IMPA2: variants seen among roughly 807,000 people sequenced by gnomAD.
IMPA2 encodes inositol monophosphatase 2.
In IMPA2, 32 loss-of-function variants were observed where a neutral mutation model predicts 35.1. The observed-to-expected ratio is 0.91, with a 90% CI of 0.69 to 1.23. The LOEUF (loss-of-function observed/expected upper bound fraction) is 1.23. IMPA2 is among the 50% of genes most tolerant of loss of function. IMPA2 has a pLI of 0.00. For missense variants in IMPA2, 334 were observed against 387.6 expected (o/e 0.86, Z 1.16); for synonymous variants, 135 against 160.6 (o/e 0.84, Z 1.20).
intron 4 of IMPA2, 105 bp downstream of exon 4, chr18:12,012,320 G>T (rs1598698536): frequency 1.1e-6 from 1 of 928,492 alleles, no homozygotes; most frequent in East Asian, 2.4e-5. Context: ...TTTGCCCTGT[G>T]CCTTAATCAT....
At chr18:12,011,062 C>A (rs1206641191) in intron 3 of IMPA2, among the ~76,000 whole-genome samples, 2 of 152,146 alleles carry the variant, frequency 1.3e-5, no homozygotes, top group Non-Finnish European at 1.5e-5. Flanking sequence ...CTCGTGGTTC[C>A]AGGGTGCTCA....
intron 3 of IMPA2, among the ~76,000 whole-genome samples, chr18:12,011,561 G>A (rs1274374056): frequency 6.6e-6 from 1 of 152,230 alleles, no homozygotes; most frequent in African/African-American, 2.4e-5. Flanking sequence ...AGCCTTTCCT[G>A]CCTGTTTTTA....
Position 11,988,001 on chromosome 18 carries a change from C to CTTTTTTTTTT in IMPA2, c.96+6249_96+6258dup, listed in dbSNP as rs71172043. Among the ~76,000 whole-genome samples, 4 of 101,882 alleles carry CTTTTTTTTTT rather than the reference C, an allele frequency of 3.9e-5. 1 individual carries two copies. Among genetic ancestry groups the CTTTTTTTTTT allele is most frequent in the African/African-American group, 1.1e-4 (3 of 26,170 alleles). The allele number at this position is 101,882 out of a possible 152,430, so 66.8% of individuals were successfully genotyped here. On this transcript the variant is annotated intron_variant, in intron 1 of 7. Transcript: ENST00000269159. ...GAAGTTAAATGCACATGTTTATTGG[C>CTTTTTTTTTT]TTTTTTTTTTTTTTTTTTTTTTGAG... is the stretch of plus-strand genomic sequence containing the variant.
At chr18:12,022,614 T>C (rs575960708) in intron 5 of IMPA2, among the ~76,000 whole-genome samples, 10 of 147,720 alleles carry the variant, frequency 6.8e-5, no homozygotes, top group African/African-American at 2.5e-4. Context: ...CAAAGGGTAA[T>C]AAAATACAAA....
At chr18:12,022,529 ATATATATATATAT>A (rs963234696) in intron 5 of IMPA2, among the ~76,000 whole-genome samples, 7 of 38,638 alleles carry the variant, frequency 1.8e-4, no homozygotes, top group Non-Finnish European at 5.8e-4. Context: ...CTCAAAAAGA[ATATATATATATAT>A]ATATATATAT....
intron 7 of IMPA2, among the ~76,000 whole-genome samples, 154 bp downstream of exon 7, chr18:12,029,147 G>A (rs1478047608): frequency 5.2e-5 from 6 of 114,966 alleles, no homozygotes; most frequent in African/African-American, 1.8e-4. Flanking sequence ...ACGGGGTCTT[G>A]GTGTCACACA....
At position 11,981,591 on chromosome 18, in the gene IMPA2, G is replaced by A. The variant is rs1906497714; in HGVS notation, c.-79G>A. The A allele has an allele frequency of 1.0e-6, 1 of 972,626 alleles. No homozygotes were observed. The highest frequency in any genetic ancestry group is 3.3e-5 in the East Asian group (1 of 30,114). The allele number at this position is 972,626 out of a possible 1,614,324, so 60.2% of individuals were successfully genotyped here. A position where few individuals can be genotyped will look rare whatever the true frequency, so the allele number is the denominator to read the frequency against. On this transcript the variant is annotated 5_prime_UTR_variant, in exon 1 of 8. Transcript: ENST00000269159. Reference sequence around the variant, plus strand: ...GCAGGCACAGGGAGTGTGGAGCCTGGCGGCGGGACGGCGGGATCCGGTGGG... The same window carrying A: ...GCAGGCACAGGGAGTGTGGAGCCTGACGGCGGGACGGCGGGATCCGGTGGG...
chr18:11,986,415 TC>T (rs1180376635), intron 1 of IMPA2, among the ~76,000 whole-genome samples: 1 of 152,074 alleles, frequency 6.6e-6, no homozygotes, highest in East Asian at 1.9e-4. Flanking sequence ...CCCCACCTGG[TC>T]CTGCTGAGCT....
At chr18:12,009,411 C>A (rs1024881792) in intron 2 of IMPA2, among the ~76,000 whole-genome samples, 1 of 152,124 alleles carries the variant, frequency 6.6e-6, no homozygotes, top group Admixed American at 6.6e-5. Flanking sequence ...TGGGTACAGA[C>A]GTGGGAGATC....
chr18:12,029,355 C>G (rs2143831015), intron 7 of IMPA2, among the ~76,000 whole-genome samples: 1 of 151,982 alleles, frequency 6.6e-6, no homozygotes, highest in South Asian at 2.1e-4. Context: ...ACCTCGTGAT[C>G]CGCCTGCCTC....
chr18:12,008,464 C>T (rs753781846), intron 2 of IMPA2: 3 of 486,674 alleles, frequency 6.2e-6, no homozygotes, highest in Non-Finnish European at 1.2e-5. Flanking sequence ...CCTTAGTGAA[C>T]TTGGGACAGT....
At chr18:11,997,614 G>C (rs578046950) in intron 1 of IMPA2, among the ~76,000 whole-genome samples, 1 of 152,166 alleles carries the variant, frequency 6.6e-6, no homozygotes, top group Non-Finnish European at 1.5e-5. Flanking sequence ...GCTGAGTTTC[G>C]GGGGCTCCTG....
intron 1 of IMPA2, among the ~76,000 whole-genome samples, chr18:11,998,068 G>A (rs895288425): frequency 1.3e-5 from 2 of 152,230 alleles, no homozygotes; most frequent in African/African-American, 4.8e-5. Flanking sequence ...TGGGGAGGCT[G>A]AGGTGGGAGG....
At position 12,012,232 on chromosome 18, in the gene IMPA2, G is replaced by C. The variant is rs966791815; in HGVS notation, c.381+17G>C. 4 of 1,611,940 alleles carry C rather than the reference G, an allele frequency of 2.5e-6. No homozygotes were observed. The highest frequency in any genetic ancestry group is 3.4e-6 in the Non-Finnish European group (4 of 1,178,148). On this transcript the variant is annotated intron_variant, in intron 4 of 7. Coordinates refer to ENST00000269159, the MANE Select transcript of IMPA2 (RefSeq NM_014214.3). ...CGACAAGAGGTGCGGGTGTGGCCCA[G>C]GTCCCCAGGGCCCCTCCCTGGGCTC...
intron 1 of IMPA2, among the ~76,000 whole-genome samples, chr18:11,986,890 G>A (rs1317277181): frequency 6.6e-6 from 1 of 152,214 alleles, no homozygotes; most frequent in Non-Finnish European, 1.5e-5. Flanking sequence ...ATGTTCGGAT[G>A]GCCATGCAGA....
At chr18:12,025,564 C>T (rs1349188691) in intron 5 of IMPA2, among the ~76,000 whole-genome samples, 1 of 152,172 alleles carries the variant, frequency 6.6e-6, no homozygotes, top group African/African-American at 2.4e-5. Context: ...TCCATTCTAA[C>T]AGATGTGTAG....
intron 1 of IMPA2, among the ~76,000 whole-genome samples, chr18:11,982,917 C>G (rs1053178970): frequency 6.6e-6 from 1 of 152,092 alleles, no homozygotes; most frequent in Non-Finnish European, 1.5e-5. Flanking sequence ...TCCGAAAATG[C>G]TCTACCAGTT....
At chr18:12,008,684 G>A in intron 2 of IMPA2, 1 of 392,122 alleles carries the variant, frequency 2.6e-6, no homozygotes, top group Non-Finnish European at 5.1e-6. Flanking sequence ...CAGTGCATGG[G>A]GCGAGAGTGC....
At position 12,022,528 on chromosome 18, in the gene IMPA2, A is replaced by AAAAT. The variant is rs68185380; in HGVS notation, c.491-5514_491-5513insAATA. ...CAGAATGGGGCTCCATCTCAAAAAG[A>AAAAT]ATATATATATATATATATATATATA... On this transcript the variant is annotated intron_variant, in intron 5 of 7. Transcript: ENST00000269159. Among the ~76,000 whole-genome samples the AAAAT allele has an allele frequency of 3.1e-4, 30 of 96,822 alleles. 1 individual carries two copies. Among genetic ancestry groups the AAAAT allele is most frequent in the African/African-American group, 1.0e-3 (24 of 23,172 alleles). The allele number at this position is 96,822 out of a possible 152,430, so 63.5% of individuals were successfully genotyped here.
Sources: gnomAD v4.1 joint callset for allele counts (sites outside exome capture counted in the v4.1 genomes callset) on GRCh38, gnomAD v4.1.1 for gene constraint, MANE v1.5 for transcripts, NCBI Gene and HGNC (gene_info 2026-07-23, HGNC 2026-07-21) for gene names.